Variants in CYP19A1 observed in about 807,000 individuals in gnomAD.
CYP19A1 encodes aromatase.
CYP19A1 carries 32 observed loss-of-function variants against 44.4 expected under a neutral mutation model. That is an observed-to-expected ratio of 0.72 (90% CI 0.54 to 0.97). The LOEUF (loss-of-function observed/expected upper bound fraction) is 0.97, where lower values mean the gene tolerates loss of function less well. Among genes scored for constraint, CYP19A1 ranks in the 50% least tolerant of loss-of-function variants. The probability of loss-of-function intolerance (pLI) is 0.00; values close to 1 mark genes in which losing one functional copy is unlikely to be tolerated. For synonymous variants in CYP19A1, 212 were observed against 215.6 expected (o/e 0.98, Z 0.14); for missense variants, 598 against 637.8 (o/e 0.94, Z 0.67).
intron 8 of CYP19A1, among the ~76,000 whole-genome samples, chr15:51,214,700 G>A (rs895980792): frequency 9.2e-5 from 14 of 152,182 alleles, no homozygotes; most frequent in African/African-American, 3.4e-4. Context: ...ATAAATATGT[G>A]TTTGTGGGCA....
At chr15:51,274,911 G>A (rs1357755643) in intron 1 of CYP19A1, among the ~76,000 whole-genome samples, 1 of 152,100 alleles carries the variant, frequency 6.6e-6, no homozygotes, top group African/African-American at 2.4e-5. Context: ...TGCAACGCTG[G>A]GGAGAAAGCT....
Position 51,210,210 on chromosome 15 carries a change from C to T in CYP19A1, c.*598G>A. 2.7e-6 allele frequency: 1 copy of T among 373,806 alleles called. No homozygotes were observed. The highest frequency in any genetic ancestry group is 3.3e-5 in the Admixed American group (1 of 29,852). 23.2% of individuals were successfully genotyped at this position (373,806 alleles called of 1,614,324 possible). Reference sequence around the variant, plus strand: ...GAATTTCCTCTGATTAAACTTTTGCCACAGACAGATCATATGTAGACAAAC... The same window carrying T: ...GAATTTCCTCTGATTAAACTTTTGCTACAGACAGATCATATGTAGACAAAC... On this transcript the variant is annotated 3_prime_UTR_variant, in exon 10 of 10. Transcript: ENST00000396402.
intron 4 of CYP19A1, among the ~76,000 whole-genome samples, chr15:51,225,067 C>T (rs1157263972): frequency 1.3e-5 from 2 of 152,190 alleles, no homozygotes; most frequent in African/African-American, 4.8e-5. Flanking sequence ...CTGTACTTGG[C>T]ATCACTCTGG....
chr15:51,326,228 T>C (rs533192870), intron 1 of CYP19A1, among the ~76,000 whole-genome samples: 1 of 152,254 alleles, frequency 6.6e-6, no homozygotes, highest in African/African-American at 2.4e-5. Context: ...AGAGTAAAGA[T>C]TTTTCTTACT....
intron 1 of CYP19A1, among the ~76,000 whole-genome samples, chr15:51,269,131 T>G (rs8039089): frequency 0.44 from 66,369 of 151,904 alleles, 14,657 homozygotes; most frequent in African/African-American, 0.46. Context: ...TCTTTTCTTC[T>G]GTAAGTGTAA....
At chr15:51,304,012 G>A (rs558587211) in intron 1 of CYP19A1, among the ~76,000 whole-genome samples, 4 of 152,240 alleles carry the variant, frequency 2.6e-5, no homozygotes, top group Admixed American at 6.5e-5. Flanking sequence ...AGCCTTTGAC[G>A]CTCAACAATT....
intron 1 of CYP19A1, among the ~76,000 whole-genome samples, chr15:51,244,490 G>A (rs552804678): frequency 6.6e-5 from 10 of 151,906 alleles, no homozygotes; most frequent in African/African-American, 9.7e-5. Flanking sequence ...TATATAAGTC[G>A]AAACTAAAAA....
intron 1 of CYP19A1, among the ~76,000 whole-genome samples, chr15:51,282,253 G>T (rs1190023962): frequency 1.3e-5 from 2 of 152,184 alleles, no homozygotes; most frequent in African/African-American, 2.4e-5. Context: ...TTGGGAAAAA[G>T]CTGAGTGTTG....
At chr15:51,317,685 G>A (rs1279853122) in intron 1 of CYP19A1, among the ~76,000 whole-genome samples, 2 of 152,222 alleles carry the variant, frequency 1.3e-5, no homozygotes, top group African/African-American at 4.8e-5. Flanking sequence ...ACTCATGGGA[G>A]CTGTGGTGAG....
chr15:51,331,284 G>A (rs1046685889), intron 1 of CYP19A1, among the ~76,000 whole-genome samples: 1 of 152,198 alleles, frequency 6.6e-6, no homozygotes, highest in Admixed American at 6.5e-5. Flanking sequence ...CCTGCAGAGA[G>A]GCTGCCCCTG....
At chr15:51,233,689 G>A (rs571201574) in intron 3 of CYP19A1, among the ~76,000 whole-genome samples, 3 of 152,288 alleles carry the variant, frequency 2.0e-5, no homozygotes, top group East Asian at 3.9e-4. Context: ...ATTGCTAACA[G>A]ATATGCAAAT....
chr15:51,272,277 A>T (rs1183657355), intron 1 of CYP19A1, among the ~76,000 whole-genome samples: 1 of 152,202 alleles, frequency 6.6e-6, no homozygotes, highest in African/African-American at 2.4e-5. Flanking sequence ...GTGCTATTAG[A>T]CTAGCCCCAA....
intron 9 of CYP19A1, among the ~76,000 whole-genome samples, 198 bp from the exon 10 acceptor site, chr15:51,211,254 C>T (rs1053946678): frequency 6.6e-6 from 1 of 152,192 alleles, no homozygotes; most frequent in African/African-American, 2.4e-5. Flanking sequence ...TGTGTTCTGA[C>T]CCAACCTCAG....
intron 1 of CYP19A1, among the ~76,000 whole-genome samples, chr15:51,247,540 T>C (rs12595570): frequency 0.12 from 18,969 of 152,090 alleles, 1,953 homozygotes; most frequent in African/African-American, 0.26. Flanking sequence ...TGACACAATT[T>C]CAGCTCACTG....
At chr15:51,232,781 G>T (rs1038457342) in intron 3 of CYP19A1, among the ~76,000 whole-genome samples, 1 of 151,974 alleles carries the variant, frequency 6.6e-6, no homozygotes, top group Non-Finnish European at 1.5e-5. Flanking sequence ...TGCCTAACTG[G>T]TCTGTCTGTC....
At chr15:51,292,797 C>T (rs1344746772) in intron 1 of CYP19A1, among the ~76,000 whole-genome samples, 4 of 151,474 alleles carry the variant, frequency 2.6e-5, no homozygotes, top group Non-Finnish European at 4.4e-5. Context: ...CGGGGTCCTT[C>T]TTCATGGGCA....
At chr15:51,255,102 T>A (rs1443570040) in intron 1 of CYP19A1, among the ~76,000 whole-genome samples, 1 of 152,006 alleles carries the variant, frequency 6.6e-6, no homozygotes, top group East Asian at 1.9e-4. Context: ...GGAGAAGAAA[T>A]GGCCAAGGAG....
chr15:51,325,249 A>G (rs780979521), intron 1 of CYP19A1, among the ~76,000 whole-genome samples: 1 of 152,040 alleles, frequency 6.6e-6, no homozygotes, highest in African/African-American at 2.4e-5. Context: ...AAGCCCTTAT[A>G]GTGGATCTGA....
At chr15:51,308,785 G>A (rs1011723710) in intron 1 of CYP19A1, among the ~76,000 whole-genome samples, 3 of 152,006 alleles carry the variant, frequency 2.0e-5, no homozygotes, top group Admixed American at 1.3e-4. Flanking sequence ...TCTGAGTCTC[G>A]GTCTCCTCGT....
Sources: gnomAD v4.1 joint callset for allele counts (sites outside exome capture counted in the v4.1 genomes callset) on GRCh38, gnomAD v4.1.1 for gene constraint, MANE v1.5 for transcripts, NCBI Gene and HGNC (gene_info 2026-07-23, HGNC 2026-07-21) for gene names.